The following CACNA1E variants were observed in gnomAD, a reference collection of about 807,000 sequenced individuals.
CACNA1E encodes the protein voltage-dependent R-type calcium channel subunit alpha-1E.
Under a neutral mutation model 259.2 loss-of-function variants are expected in CACNA1E, and 40 were observed. The ratio of observed to expected loss-of-function variants is 0.15; its 90% CI spans 0.12 to 0.20. CACNA1E has a LOEUF of 0.20. Ranked by LOEUF, CACNA1E falls within the 10% of genes least tolerant of loss-of-function variation. The pLI is 1.00. For synonymous variants in CACNA1E, 1,104 were observed against 1,138.5 expected, an observed-to-expected ratio of 0.97 and a Z score of 0.61; for missense variants, 1,874 against 3,040.1, an observed-to-expected ratio of 0.62 and a Z score of 9.02.
At chr1:181,781,012 G>A (rs899844769) in intron 38 of CACNA1E, among the ~76,000 whole-genome samples, 2 of 152,126 alleles carry the variant, frequency 1.3e-5, no homozygotes, top group Non-Finnish European at 2.9e-5. Context: ...ACACAGCCCT[G>A]GGAATTGAAA....
chr1:181,403,944 G>T (rs1657283592), intron 1 of CACNA1E, among the ~76,000 whole-genome samples: 1 of 152,192 alleles, frequency 6.6e-6, no homozygotes, highest in Admixed American at 6.5e-5. Flanking sequence ...GTTTGCATCT[G>T]TGCAGCACAC....
intron 32 of CACNA1E, among the ~76,000 whole-genome samples, chr1:181,759,852 G>C (rs1658421855): frequency 6.6e-6 from 1 of 152,194 alleles, no homozygotes; most frequent in Non-Finnish European, 1.5e-5. Context: ...ATAATTGTGA[G>C]TGTTGATTAC....
Position 181,798,460 on chromosome 1 carries a change from G to A in CACNA1E, c.6568G>A (p.Glu2190Lys), listed in dbSNP as rs751185780. 29 of 1,613,616 alleles carry A rather than the reference G, an allele frequency of 1.8e-5. No individual in the cohort carries two copies. In the East Asian group the frequency reaches 2.7e-4, roughly 15 times the overall value. The change falls in exon 48 of 48, where the codon GAG becomes AAG. Residue 2190 changes from glutamate (E) to lysine (K), a missense_variant. Glu to Lys is a moderately conservative substitution (Grantham distance 56). This residue lies in a region of CACNA1E where 542 missense variants were observed against 587.2 expected (regional missense o/e 0.92). Coordinates refer to ENST00000367573, the MANE Select transcript of CACNA1E (RefSeq NM_001205293.3). This position sits in a 1 kb window ranked among gnomAD's most constrained non-coding sequence, Gnocchi z 4.2. ...GSISPPADGS[E>K]EGSPLTSQAL... ...CATCTCTCCACCTGCTGATGGAAGC[G>A]AGGAGGGCTCCCCGCTGACCTCCCA...
chr1:181,606,465 C>G (rs1165282610), intron 6 of CACNA1E, among the ~76,000 whole-genome samples: 1 of 152,146 alleles, frequency 6.6e-6, no homozygotes, highest in African/African-American at 2.4e-5. Context: ...CCCAGTCCTC[C>G]CTCCCCATTA....
intron 1 of CACNA1E, among the ~76,000 whole-genome samples, chr1:181,329,884 CCAGCA>C (rs1420398346): frequency 2.0e-5 from 3 of 152,144 alleles, no homozygotes; most frequent in African/African-American, 7.2e-5. Context: ...GTCTCAGAGC[CCAGCA>C]CAGTGCTTGG....
At position 181,460,752 on chromosome 1, in the gene CACNA1E, G is replaced by A. The variant is rs183260132; in HGVS notation, c.435-22992G>A. On this transcript the variant is annotated intron_variant, in intron 2 of 11. Transcript: ENST00000524607. ...CAGAAAGGGATGCATGGCTAAAAAT[G>A]TACTACTGCTTCCATTAATGAAAAT... 1.1e-4 allele frequency among the ~76,000 whole-genome samples: 16 copies of A among 152,308 alleles called. No individual in the cohort carries two copies. The East Asian group carries it at 2.9e-3, about 28-fold the overall frequency.
chr1:181,697,451 G>T (rs991923829), intron 7 of CACNA1E, among the ~76,000 whole-genome samples: 4 of 152,190 alleles, frequency 2.6e-5, no homozygotes, highest in Non-Finnish European at 4.4e-5. Flanking sequence ...CTTCAGCAGA[G>T]CATCTGGTAC....
chr1:181,711,821 T>A, intron 8 of CACNA1E, among the ~76,000 whole-genome samples: 1 of 152,002 alleles, frequency 6.6e-6, no homozygotes, highest in South Asian at 2.1e-4. Flanking sequence ...GAGTGACAGC[T>A]GTCATGGGGG....
chr1:181,507,430 T>C (rs938528586), intron 1 of CACNA1E, among the ~76,000 whole-genome samples: 3 of 152,282 alleles, frequency 2.0e-5, no homozygotes, highest in Middle Eastern at 3.4e-3. Context: ...TAAAGGTCCT[T>C]ATAGGGAGCA....
intron 3 of CACNA1E, among the ~76,000 whole-genome samples, chr1:181,514,935 AT>A (rs1666455405): frequency 6.6e-6 from 1 of 152,148 alleles, no homozygotes; most frequent in Non-Finnish European, 1.5e-5. Flanking sequence ...TCATAATGCC[AT>A]AGAAAAGACC....
intron 1 of CACNA1E, among the ~76,000 whole-genome samples, chr1:181,363,165 G>A (rs139425108): frequency 2.0e-5 from 3 of 152,278 alleles, no homozygotes; most frequent in African/African-American, 7.2e-5. Flanking sequence ...AGGTTATAAA[G>A]AAGCCTAAAA....
intron 7 of CACNA1E, among the ~76,000 whole-genome samples, chr1:181,680,648 C>T (rs189584716): frequency 2.0e-5 from 3 of 152,194 alleles, no homozygotes; most frequent in Admixed American, 2.0e-4. Flanking sequence ...TGCCAGACAT[C>T]GGTCCACGCA....
rs191792823 is a variant in CACNA1E at position 181,720,739 on chromosome 1, T to G, written c.1884-44T>G. The G allele has an allele frequency of 1.0e-3, 1,151 of 1,119,932 alleles. 4 individuals are homozygous for G. Among genetic ancestry groups the G allele is most frequent in the Non-Finnish European group, 1.1e-3 (848 of 748,358 alleles). 69.4% of individuals were successfully genotyped at this position (1,119,932 alleles called of 1,614,324 possible). ...ATCTTGGGGAATGGAAAACTTGGTA[T>G]GTGAGATTTTCATTTCATTATTTTC... is the stretch of plus-strand genomic sequence containing the variant. On this transcript the variant is annotated intron_variant, in intron 14 of 47. Transcript: ENST00000367573.
At chr1:181,577,183 A>G (rs1340491758) in intron 3 of CACNA1E, among the ~76,000 whole-genome samples, 1 of 152,234 alleles carries the variant, frequency 6.6e-6, no homozygotes, top group South Asian at 2.1e-4. Context: ...AAGAAATCCA[A>G]TTAGGGTCAA....
At chr1:181,483,483 GCTTTTTTTTTCTTTTTT>G, upstream of CACNA1E, 1 of 334,202 alleles carries the variant, frequency 3.0e-6, no homozygotes, top group Non-Finnish European at 5.4e-6. Flanking sequence ...CCTACCACCC[GCTTTTTTTTTCTTTTTT>G]CTTTTTTTTT....
At chr1:181,461,077 A>G (rs1661770580) in intron 2 of CACNA1E, among the ~76,000 whole-genome samples, 1 of 152,190 alleles carries the variant, frequency 6.6e-6, no homozygotes, top group African/African-American at 2.4e-5. Flanking sequence ...ACTTCCTTCT[A>G]GAGTTTAACC....
Position 181,486,343 on chromosome 1 carries a change from G to C in CACNA1E, c.266+2333G>C, listed in dbSNP as rs180916230. 3.7e-3 allele frequency among the ~76,000 whole-genome samples: 563 copies of C among 152,356 alleles called. 2 individuals are homozygous for C. Among genetic ancestry groups the C allele is most frequent in the Non-Finnish European group, 5.8e-3 (393 of 68,024 alleles). ...ACAGTGTTCAGGGAACATCTGCTAA[G>C]GTGTTTAGTGGAGCCCTGTTGGAAA... On this transcript the variant is annotated intron_variant, in intron 1 of 47. Coordinates refer to ENST00000367573, the MANE Select transcript of CACNA1E (RefSeq NM_001205293.3).
chr1:181,494,121 C>A (rs1664537817), intron 1 of CACNA1E, among the ~76,000 whole-genome samples: 1 of 152,204 alleles, frequency 6.6e-6, no homozygotes, highest in Non-Finnish European at 1.5e-5. Context: ...CCGAATAAGA[C>A]CAGCTTCCTC....
At chr1:181,509,172 C>A (rs931823792) in intron 1 of CACNA1E, among the ~76,000 whole-genome samples, 1 of 152,076 alleles carries the variant, frequency 6.6e-6, no homozygotes, top group African/African-American at 2.4e-5. Flanking sequence ...CCCTGCAGCC[C>A]CTGATGCCAG....
Sources: allele counts gnomAD v4.1 joint callset (sites outside exome capture counted in the v4.1 genomes callset), GRCh38; gene constraint gnomAD v4.1.1; regional missense constraint gnomAD v4.1.1; non-coding constraint Gnocchi (gnomAD v3.1); transcripts MANE v1.5; gene names NCBI Gene and HGNC (gene_info 2026-07-23, HGNC 2026-07-21).